Variants in ZFAND3 observed in about 807,000 individuals in gnomAD.
ZFAND3 encodes zinc finger AN1-type containing 3, also known as AN1-type zinc finger protein 3.
In ZFAND3, 10 loss-of-function variants were observed where a neutral mutation model predicts 29.6. That is an observed-to-expected ratio of 0.34 (90% CI 0.21 to 0.57). ZFAND3 has a LOEUF of 0.57. Among genes scored for constraint, ZFAND3 ranks in the 20% least tolerant of loss-of-function variants. ZFAND3 has a pLI of 0.86. For missense variants in ZFAND3, 230 were observed against 304.5 expected, an observed-to-expected ratio of 0.76 and a Z score of 1.82; for synonymous variants, 128 against 112.6, an observed-to-expected ratio of 1.14 and a Z score of -0.87.
intron 3 of ZFAND3, among the ~76,000 whole-genome samples, chr6:38,069,448 A>G (rs570302037): frequency 9.2e-5 from 14 of 152,342 alleles, no homozygotes; most frequent in Middle Eastern, 6.8e-3. Context: ...AATAGTCTCA[A>G]AGTGGAAGAT....
chr6:38,116,524 G>A, intron 4 of ZFAND3, 48 bp from the exon 5 acceptor site: 1 of 1,565,262 alleles, frequency 6.4e-7, no homozygotes, highest in African/African-American at 1.4e-5. Context: ...AACTGTGCTT[G>A]CCAGGCCAGG....
At chr6:37,848,980 G>A (rs1271719779) in intron 1 of ZFAND3, among the ~76,000 whole-genome samples, 34 of 152,180 alleles carry the variant, frequency 2.2e-4, no homozygotes, top group Non-Finnish European at 1.3e-4. Context: ...TAAACATCAT[G>A]TTTTTCTGTG....
At chr6:37,984,038 G>A (rs1364809688) in intron 2 of ZFAND3, among the ~76,000 whole-genome samples, 1 of 152,012 alleles carries the variant, frequency 6.6e-6, no homozygotes, top group Non-Finnish European at 1.5e-5. Flanking sequence ...TTCTTTTTTG[G>A]GTTATAGTCT....
intron 2 of ZFAND3, among the ~76,000 whole-genome samples, chr6:37,931,110 A>G (rs11759486): frequency 0.067 from 10,205 of 152,148 alleles, 410 homozygotes; most frequent in Non-Finnish European, 0.085. Context: ...TAGATACCCT[A>G]TTTTTCCTGA....
chr6:37,936,840 C>T (rs1761706888), intron 2 of ZFAND3, among the ~76,000 whole-genome samples: 1 of 152,144 alleles, frequency 6.6e-6, no homozygotes, highest in South Asian at 2.1e-4. Context: ...ATAAAATTAG[C>T]TATCGCCTGC....
chr6:38,017,897 GT>G (rs1295063224), intron 2 of ZFAND3, among the ~76,000 whole-genome samples: 2 of 152,092 alleles, frequency 1.3e-5, no homozygotes, highest in African/African-American at 4.8e-5. Flanking sequence ...TTTGGGTATT[GT>G]CCCCTCCCCC....
chr6:37,835,383 C>T (rs1247164051), intron 1 of ZFAND3, among the ~76,000 whole-genome samples: 5 of 151,782 alleles, frequency 3.3e-5, no homozygotes, highest in Non-Finnish European at 7.4e-5. Context: ...TCTTGAACTC[C>T]TGGGCTCCAG....
At chr6:37,982,780 A>C (rs1209475017) in intron 2 of ZFAND3, among the ~76,000 whole-genome samples, 1 of 152,078 alleles carries the variant, frequency 6.6e-6, no homozygotes, top group Non-Finnish European at 1.5e-5. Context: ...GCCTCAGGCA[A>C]CTCCTTCGGG....
At chr6:37,900,100 C>G (rs1765292400) in intron 1 of ZFAND3, among the ~76,000 whole-genome samples, 1 of 152,076 alleles carries the variant, frequency 6.6e-6, no homozygotes, top group African/African-American at 2.4e-5. Flanking sequence ...ATACTTTAGT[C>G]TCTTTTTATG....
intron 1 of ZFAND3, among the ~76,000 whole-genome samples, chr6:37,898,417 G>A (rs766940816): frequency 6.6e-6 from 1 of 152,084 alleles, no homozygotes; most frequent in Admixed American, 6.5e-5. Flanking sequence ...TTTCAGATAG[G>A]TTTTCATATC....
At chr6:37,973,602 A>C (rs1194557633) in intron 2 of ZFAND3, among the ~76,000 whole-genome samples, 1 of 152,216 alleles carries the variant, frequency 6.6e-6, no homozygotes, top group Non-Finnish European at 1.5e-5. Context: ...AGTTAATTTA[A>C]ATAGCCACAT....
intron 2 of ZFAND3, among the ~76,000 whole-genome samples, chr6:37,953,273 T>C (rs546251502): frequency 6.6e-6 from 1 of 152,096 alleles, no homozygotes; most frequent in East Asian, 1.9e-4. Flanking sequence ...TGTTGACTTA[T>C]ATTAATGATT....
intron 1 of ZFAND3, among the ~76,000 whole-genome samples, chr6:37,863,048 T>C (rs1352316405): frequency 1.3e-5 from 2 of 152,156 alleles, no homozygotes; most frequent in Non-Finnish European, 2.9e-5. Flanking sequence ...GGCAACACTA[T>C]TGCTGTGGTT....
rs12663207 is a variant in ZFAND3 at position 38,121,432 on chromosome 6, A to G, written c.529+4693A>G. 0.018 allele frequency among the ~76,000 whole-genome samples: 2,681 copies of G among 152,326 alleles called. 251 individuals are homozygous for G. In the East Asian group the frequency reaches 0.28, roughly 16 times the overall value. ...AAGAACCAAAACTTGAGGGAGCATC[A>G]CAATTTACCTGGAGGGCATGTTAAA... is the stretch of plus-strand genomic sequence containing the variant. On this transcript the variant is annotated intron_variant, in intron 5 of 5. Transcript: ENST00000287218.
chr6:37,820,123 GC>G, intron 1 of ZFAND3, 107 bp downstream of exon 1: 2 of 501,552 alleles, frequency 4.0e-6, no homozygotes, highest in Non-Finnish European at 5.1e-6. Flanking sequence ...TGGAGGCTGG[GC>G]CCAGCCCGGG....
At position 38,035,039 on chromosome 6, in the gene ZFAND3, G is replaced by T. The variant is rs776761552; in HGVS notation, c.113-26554G>T. Among the ~76,000 whole-genome samples, 29 of 151,862 alleles carry T rather than the reference G, an allele frequency of 1.9e-4. 1 individual carries two copies. The highest frequency in any genetic ancestry group is 3.2e-3 in the Middle Eastern group (1 of 316). On this transcript the variant is annotated intron_variant, in intron 2 of 5. Coordinates refer to ENST00000287218, the MANE Select transcript of ZFAND3 (RefSeq NM_021943.3). ...TAAGTTTTTACACTTCCTGGGCCTA[G>T]TGTAAAGTTGATTTCCTGTTGAGCT...
rs780707783 is a variant in ZFAND3 at position 37,958,479 on chromosome 6, C to CA, written c.112+28481dup. Among the ~76,000 whole-genome samples the CA allele has an allele frequency of 7.6e-3, 1,145 of 150,178 alleles. 6 individuals are homozygous for CA. The highest frequency in any genetic ancestry group is 0.013 in the Non-Finnish European group (859 of 67,606). On this transcript the variant is annotated intron_variant, in intron 2 of 5. Coordinates refer to ENST00000287218, the MANE Select transcript of ZFAND3 (RefSeq NM_021943.3). ...AAAAAAAAAAAAAAAAAAAAATTCT[C>CA]ATTTAGGTAGATTCTGAACCATTTT...
intron 5 of ZFAND3, among the ~76,000 whole-genome samples, chr6:38,144,186 T>A (rs1270760459): frequency 1.9e-3 from 38 of 19,676 alleles, no homozygotes; most frequent in African/African-American, 7.2e-3. Flanking sequence ...ATATATATAA[T>A]ATATATATAT....
At chr6:38,042,296 A>G (rs562251074) in intron 2 of ZFAND3, among the ~76,000 whole-genome samples, 37 of 148,450 alleles carry the variant, frequency 2.5e-4, no homozygotes, top group African/African-American at 8.9e-4. Context: ...GTCACATATA[A>G]CTCCTTCTTG....
Sources: gnomAD v4.1 joint callset for allele counts (sites outside exome capture counted in the v4.1 genomes callset) on GRCh38, gnomAD v4.1.1 for gene constraint, MANE v1.5 for transcripts, NCBI Gene and HGNC (gene_info 2026-07-23, HGNC 2026-07-21) for gene names.